Variants in FOXJ3 observed in about 807,000 individuals in gnomAD.
FOXJ3 encodes the protein forkhead box J3.
Under a neutral mutation model 76.1 loss-of-function variants are expected in FOXJ3, and 22 were observed. The ratio of observed to expected loss-of-function variants is 0.29; its 90% CI spans 0.21 to 0.41. FOXJ3 has a LOEUF of 0.41. Among genes scored for constraint, FOXJ3 ranks in the 10% least tolerant of loss-of-function variants. The probability of loss-of-function intolerance (pLI) is 1.00; values close to 1 mark genes in which losing one functional copy is unlikely to be tolerated. For synonymous variants in FOXJ3, 269 were observed against 261.2 expected (o/e 1.03, Z -0.29); for missense variants, 613 against 762.1 (o/e 0.80, Z 2.30).
chr1:42,241,999 A>G (rs1649182221), intron 4 of FOXJ3, among the ~76,000 whole-genome samples: 1 of 152,134 alleles, frequency 6.6e-6, no homozygotes, highest in Non-Finnish European at 1.5e-5. Flanking sequence ...AAACACAAAA[A>G]TCACTGATGC....
At chr1:42,298,461 A>G (rs1409375268) in intron 2 of FOXJ3, among the ~76,000 whole-genome samples, 1 of 152,166 alleles carries the variant, frequency 6.6e-6, no homozygotes, top group Non-Finnish European at 1.5e-5. Flanking sequence ...TGAGCACAGA[A>G]ATGTTCACAG....
intron 5 of FOXJ3, among the ~76,000 whole-genome samples, chr1:42,207,215 A>C (rs1437754316): frequency 1.3e-5 from 2 of 152,118 alleles, no homozygotes; most frequent in Non-Finnish European, 2.9e-5. Flanking sequence ...GCCTCTGATA[A>C]TCACCAATCT....
chr1:42,323,232 T>C (rs139785296), intron 1 of FOXJ3, among the ~76,000 whole-genome samples: 13 of 152,282 alleles, frequency 8.5e-5, no homozygotes, highest in Admixed American at 4.6e-4. Flanking sequence ...TTAAAGAAGA[T>C]TGAGATAAAC....
intron 4 of FOXJ3, among the ~76,000 whole-genome samples, chr1:42,240,958 T>C (rs1649090576): frequency 6.6e-6 from 1 of 152,058 alleles, no homozygotes; most frequent in African/African-American, 2.4e-5. Context: ...AGCAAGCAGA[T>C]AATCACATTT....
At chr1:42,220,531 T>C (rs909034341) in intron 5 of FOXJ3, among the ~76,000 whole-genome samples, 18 of 152,144 alleles carry the variant, frequency 1.2e-4, no homozygotes, top group African/African-American at 4.1e-4. Context: ...AGCAACTTTC[T>C]CCTCGAGGGC....
chr1:42,207,838 AT>A (rs1384592538), intron 5 of FOXJ3, among the ~76,000 whole-genome samples: 8 of 152,236 alleles, frequency 5.3e-5, no homozygotes, highest in African/African-American at 1.7e-4. Context: ...CCAGGTACAC[AT>A]TGAGAGCAAG....
At chr1:42,204,379 A>G (rs1324077779) in intron 6 of FOXJ3, among the ~76,000 whole-genome samples, 1 of 152,038 alleles carries the variant, frequency 6.6e-6, no homozygotes, top group Non-Finnish European at 1.5e-5. Context: ...ATTCTGTCAT[A>G]TCTGGATGCA....
rs968652620 is a variant in FOXJ3 at position 42,293,249 on chromosome 1, A to G, written c.45-14577T>C. Among the ~76,000 whole-genome samples the G allele has an allele frequency of 2.7e-5, 4 of 150,344 alleles. No homozygotes were observed. In the Admixed American group the frequency reaches 2.7e-4, roughly 10 times the overall value. On this transcript the variant is annotated intron_variant, in intron 2 of 12. Transcript: ENST00000361346. ...AATGAAAGAAAAAATTGGTGGTCAG[A>G]TGTTACCAAAATTTAAAACTTTCTT... is the stretch of plus-strand genomic sequence containing the variant.
intron 2 of FOXJ3, among the ~76,000 whole-genome samples, chr1:42,305,972 C>G (rs1654434542): frequency 6.6e-6 from 1 of 152,092 alleles, no homozygotes; most frequent in African/African-American, 2.4e-5. Flanking sequence ...TCATGTACCC[C>G]ATAAATATAC....
At position 42,256,715 on chromosome 1, in the gene FOXJ3, A is replaced by C. The variant is rs185287324; in HGVS notation, c.444+8400T>G. On this transcript the variant is annotated intron_variant, in intron 4 of 12. Transcript: ENST00000361346. ...TAACCTTCCATCTGCCCTCTGACCC[A>C]GTAATTCTATCCTTCAGGAAAAATG... Among the ~76,000 whole-genome samples, 399 of 152,382 alleles carry C rather than the reference A, an allele frequency of 2.6e-3. 3 individuals carry two copies. Among genetic ancestry groups the C allele is most frequent in the Non-Finnish European group, 3.9e-3 (268 of 68,042 alleles).
At chr1:42,217,573 G>A (rs545681524) in intron 5 of FOXJ3, among the ~76,000 whole-genome samples, 5 of 151,722 alleles carry the variant, frequency 3.3e-5, no homozygotes, top group South Asian at 2.1e-4. Flanking sequence ...AAAATACTCC[G>A]GATTAAATCT....
chr1:42,305,338 G>A (rs973725004), intron 2 of FOXJ3, among the ~76,000 whole-genome samples: 2 of 152,064 alleles, frequency 1.3e-5, no homozygotes, highest in African/African-American at 4.8e-5. Context: ...GAACAGTTTG[G>A]AAGTTCCTCA....
At chr1:42,210,878 G>A (rs927375450) in intron 5 of FOXJ3, among the ~76,000 whole-genome samples, 11 of 152,114 alleles carry the variant, frequency 7.2e-5, no homozygotes, top group African/African-American at 2.7e-4. Context: ...ACACCCAGAA[G>A]AGCAGCAAGC....
chr1:42,269,169 G>A (rs1168247939), intron 3 of FOXJ3, among the ~76,000 whole-genome samples: 1 of 151,650 alleles, frequency 6.6e-6, no homozygotes, highest in African/African-American at 2.4e-5. Context: ...TTTAGAAAGG[G>A]GATAACTAAT....
chr1:42,297,203 T>C (rs1653843724), intron 2 of FOXJ3, among the ~76,000 whole-genome samples: 1 of 152,234 alleles, frequency 6.6e-6, no homozygotes, highest in Non-Finnish European at 1.5e-5. Flanking sequence ...TAGACTTTTC[T>C]AAGTATACAG....
chr1:42,238,195 G>A (rs1031732633), intron 4 of FOXJ3, among the ~76,000 whole-genome samples: 2 of 151,898 alleles, frequency 1.3e-5, no homozygotes, highest in African/African-American at 2.4e-5. Context: ...ACCATGCCTG[G>A]TTAATTTTTC....
chr1:42,268,229 T>C (rs1480228518), intron 3 of FOXJ3, among the ~76,000 whole-genome samples: 6 of 151,740 alleles, frequency 4.0e-5, no homozygotes, highest in Non-Finnish European at 5.9e-5. Context: ...GCAGATTATA[T>C]ATAAAGGAAT....
At chr1:42,215,272 T>G (rs1301601834) in intron 5 of FOXJ3, among the ~76,000 whole-genome samples, 1 of 151,512 alleles carries the variant, frequency 6.6e-6, no homozygotes, top group Non-Finnish European at 1.5e-5. Context: ...GGAAATATAA[T>G]AAAGGAAATC....
At chr1:42,327,111 T>G (rs1474259861) in intron 1 of FOXJ3, among the ~76,000 whole-genome samples, 1 of 152,238 alleles carries the variant, frequency 6.6e-6, no homozygotes. Context: ...TATTCAAATG[T>G]AAGGTGGAAA....
Sources: gnomAD v4.1 joint callset for allele counts (sites outside exome capture counted in the v4.1 genomes callset) on GRCh38, gnomAD v4.1.1 for gene constraint, MANE v1.5 for transcripts, NCBI Gene and HGNC (gene_info 2026-07-23, HGNC 2026-07-21) for gene names.